Variants in GAL3ST1 observed in about 807,000 individuals in gnomAD.
GAL3ST1 encodes galactosylceramide sulfotransferase.
A neutral mutation model predicts 25.0 loss-of-function variants in GAL3ST1; 13 were observed. The observed-to-expected ratio is 0.52, with a 90% CI of 0.34 to 0.83. GAL3ST1 has a LOEUF of 0.83. Ranked by LOEUF, GAL3ST1 falls within the 40% of genes least tolerant of loss-of-function variation. GAL3ST1 has a pLI of 0.02. For synonymous variants in GAL3ST1, 274 were observed against 277.8 expected (o/e 0.99, Z 0.14); for missense variants, 474 against 613.6 (o/e 0.77, Z 2.40).
At chr22:30,568,693 G>C (rs1411279176) in intron 1 of GAL3ST1, among the ~76,000 whole-genome samples, 1 of 152,208 alleles carries the variant, frequency 6.6e-6, no homozygotes, top group Non-Finnish European at 1.5e-5. Context: ...TTTCCACCTG[G>C]CTGGAGTGTT....
intron 1 of GAL3ST1, chr22:30,560,441 G>A (rs1158877101): frequency 1.3e-5 from 2 of 152,098 alleles, no homozygotes; most frequent in African/African-American, 4.8e-5. Context: ...CCAGCACATA[G>A]TCATCACTTA....
At position 30,555,144 on chromosome 22, in the gene GAL3ST1, C is replaced by A; in HGVS notation, c.1081G>T (p.Ala361Ser). ...AVDAAAIQDE[A>S]MQPWQPLGTK... ...CCCAGCGGCTGCCAGGGCTGCATGG[C>A]CTCGTCCTGGATGGCGGCGGCGTCC... is the stretch of plus-strand genomic sequence containing the variant. The change falls in exon 4 of 4, where the codon GCC (alanine) becomes TCC (serine). Residue 361 changes from alanine (A) to serine (S), a missense_variant. By Grantham distance (99) the Ala-to-Ser change is moderately conservative. Around this residue, in one of 2 missense-constraint regions of GAL3ST1, gnomAD observed 359 missense variants for 504.4 expected, o/e 0.71. Coordinates refer to ENST00000406361, the MANE Select transcript of GAL3ST1 (RefSeq NM_001318104.2). This position sits in a 1 kb window ranked among gnomAD's most constrained non-coding sequence, Gnocchi z 8.6. The A allele has an allele frequency of 6.2e-7, 1 of 1,609,626 alleles. No homozygotes were observed.
At chr22:30,556,844 C>T (rs2086060532) in intron 3 of GAL3ST1, among the ~76,000 whole-genome samples, 1 of 152,216 alleles carries the variant, frequency 6.6e-6, no homozygotes, top group African/African-American at 2.4e-5. Flanking sequence ...AAGCAATTCT[C>T]CTGCCTCAGA....
chr22:30,564,092 G>A (rs1348885297), intron 1 of GAL3ST1, among the ~76,000 whole-genome samples: 3 of 152,134 alleles, frequency 2.0e-5, no homozygotes, highest in Admixed American at 6.5e-5. Flanking sequence ...CAAGCATTTC[G>A]GATAAGGGAT....
intron 1 of GAL3ST1, among the ~76,000 whole-genome samples, chr22:30,563,794 T>C (rs1209326097): frequency 6.6e-6 from 1 of 151,602 alleles, no homozygotes; most frequent in Non-Finnish European, 1.5e-5. Flanking sequence ...CAGGCACCTG[T>C]AGTCCCAGCT....
At chr22:30,564,200 A>T (rs1437176089) in intron 1 of GAL3ST1, among the ~76,000 whole-genome samples, 2 of 152,166 alleles carry the variant, frequency 1.3e-5, no homozygotes, top group Admixed American at 1.3e-4. Flanking sequence ...TGCAGAGCAG[A>T]CAGTCACTCA....
At chr22:30,559,439 C>G (rs1306964157) in intron 1 of GAL3ST1, among the ~76,000 whole-genome samples, 3 of 152,118 alleles carry the variant, frequency 2.0e-5, no homozygotes, top group Non-Finnish European at 4.4e-5. Context: ...TGGAGTTTCA[C>G]CATGTTGGCC....
chr22:30,571,079 T>C (rs2086772291), intron 1 of GAL3ST1, among the ~76,000 whole-genome samples: 1 of 152,052 alleles, frequency 6.6e-6, no homozygotes, highest in South Asian at 2.1e-4. Context: ...TTTGAAAATC[T>C]GCAGCCTGGC....
intron 1 of GAL3ST1, among the ~76,000 whole-genome samples, chr22:30,573,188 C>T (rs568945281): frequency 2.0e-5 from 3 of 152,016 alleles, no homozygotes; most frequent in South Asian, 2.1e-4. Context: ...GCCAGGGAGG[C>T]GAGGGGGGGT....
intron 1 of GAL3ST1, among the ~76,000 whole-genome samples, chr22:30,559,494 C>T (rs2084388616): frequency 1.3e-5 from 2 of 152,172 alleles, no homozygotes; most frequent in Admixed American, 6.5e-5. Context: ...CCACCTTGGC[C>T]TCCCAAAGTG....
chr22:30,557,570 G>C (rs575958807), intron 2 of GAL3ST1, 169 bp from the exon 3 acceptor site: 1 of 640,476 alleles, frequency 1.6e-6, no homozygotes, highest in East Asian at 2.9e-5. Flanking sequence ...CAACCACCTG[G>C]AAAGAGACAG....
chr22:30,566,541 G>T (rs1327839704), intron 1 of GAL3ST1, among the ~76,000 whole-genome samples: 1 of 152,200 alleles, frequency 6.6e-6, no homozygotes, highest in Non-Finnish European at 1.5e-5. Flanking sequence ...TCCAGAGTAG[G>T]GAGCACTGAT....
rs1235717496 is a variant in GAL3ST1, at chr22:30,555,263, G to C, written c.962C>G (p.Ala321Gly). 2.5e-6 allele frequency: 4 copies of C among 1,601,478 alleles called. No homozygotes were observed. In the Admixed American group the frequency reaches 6.7e-5, roughly 27 times the overall value. The change falls in exon 4 of 4, where the codon GCC (alanine) becomes GGC (glycine). Residue 321 changes from alanine to glycine, a missense_variant. This residue lies in a region of GAL3ST1 where 359 missense variants were observed against 504.4 expected (regional missense o/e 0.71). Transcript: ENST00000406361. This position sits in a 1 kb window ranked among gnomAD's most constrained non-coding sequence, Gnocchi z 8.6. ...GCGGGCCATGCGCTCCCGCCCGAAGGCCTCCACCTTGCGCCAGAAGCTGGC... is the reference window on the plus strand; with the variant it reads ...GCGGGCCATGCGCTCCCGCCCGAAGCCCTCCACCTTGCGCCAGAAGCTGGC... The part of the protein sequence containing the change: ...FNASFWRKVE[A>G]FGRERMAREV...
intron 1 of GAL3ST1, among the ~76,000 whole-genome samples, chr22:30,572,495 C>T (rs1011818362): frequency 2.0e-5 from 3 of 152,186 alleles, no homozygotes; most frequent in East Asian, 3.9e-4. Flanking sequence ...CTGTGAGGCA[C>T]GCAGAGCCCT....
intron 3 of GAL3ST1, among the ~76,000 whole-genome samples, chr22:30,556,374 T>A (rs1444823394): frequency 6.6e-6 from 1 of 152,182 alleles, no homozygotes; most frequent in Non-Finnish European, 1.5e-5. Flanking sequence ...GTGTTGCATG[T>A]ACCATGAATC....
chr22:30,554,993 G>A lies in GAL3ST1; in HGVS notation c.1232C>T (p.Thr411Ile). The A allele has an allele frequency of 1.9e-6, 3 of 1,590,600 alleles. No homozygotes were observed. The highest frequency in any genetic ancestry group is 2.6e-6 in the Non-Finnish European group (3 of 1,163,792). The change falls in exon 4 of 4, where the codon ACC becomes ATC. Residue 411 changes from threonine (T) to isoleucine (I), a missense_variant. Around this residue, in one of 2 missense-constraint regions of GAL3ST1, gnomAD observed 359 missense variants for 504.4 expected, o/e 0.71. Coordinates refer to ENST00000406361, the MANE Select transcript of GAL3ST1 (RefSeq NM_001318104.2). The stretch of plus-strand genomic sequence containing the variant: ...ATCGCGAATGAACTTCCAGAGCTTG[G>A]TGACCCACAGGTTGGCGCCGAGGTC... Reference protein sequence around the residue: ...LMDLGANLWVTKLWKFIRDFL... With the variant: ...LMDLGANLWVIKLWKFIRDFL...
Position 30,567,109 on chromosome 22 carries a change from A to G in GAL3ST1, c.-120+7357T>C, listed in dbSNP as rs1008491314. 8.5e-5 allele frequency among the ~76,000 whole-genome samples: 13 copies of G among 152,220 alleles called. 3 individuals carry two copies. Among genetic ancestry groups the G allele is most frequent in the Admixed American group, 7.9e-4 (12 of 15,276 alleles). On this transcript the variant is annotated intron_variant, in intron 1 of 3. Coordinates refer to ENST00000406361, the MANE Select transcript of GAL3ST1 (RefSeq NM_001318104.2). Reference sequence around the variant, plus strand: ...GTAGCTGGGATTACAGACATGCACCATGGTGCCCAGCAAAAACTTTTTCAA... The same window carrying G: ...GTAGCTGGGATTACAGACATGCACCGTGGTGCCCAGCAAAAACTTTTTCAA...
chr22:30,555,209 T>C lies in GAL3ST1; in HGVS notation c.1016A>G (p.Glu339Gly), dbSNP rs930247196. The change falls in exon 4 of 4, where the codon GAG becomes GGG. Residue 339 changes from glutamate (E) to glycine (G), a missense_variant. Coordinates refer to ENST00000406361, the MANE Select transcript of GAL3ST1 (RefSeq NM_001318104.2). The surrounding 1 kb of genome is among the most constrained non-coding windows in gnomAD (Gnocchi z 8.6). ...GTCGATGCAGATGGTCCGCATGCGC[T>C]CGTTGGCATGGCGCAGGGCGGCCAC... ...REVAALRHAN[E>G]RMRTICIDGG... The C allele has an allele frequency of 1.3e-6, 2 of 1,599,134 alleles. No individual in the cohort carries two copies. Among genetic ancestry groups the C allele is most frequent in the Admixed American group, 1.7e-5 (1 of 59,680 alleles).
intron 1 of GAL3ST1, among the ~76,000 whole-genome samples, chr22:30,567,833 G>A (rs974699991): frequency 1.1e-4 from 16 of 151,920 alleles, no homozygotes; most frequent in African/African-American, 3.9e-4. Flanking sequence ...ACGGGCACCC[G>A]CCACCACACC....
Sources: allele counts gnomAD v4.1 joint callset (sites outside exome capture counted in the v4.1 genomes callset), GRCh38; gene constraint gnomAD v4.1.1; regional missense constraint gnomAD v4.1.1; non-coding constraint Gnocchi (gnomAD v3.1); transcripts MANE v1.5; gene names NCBI Gene and HGNC (gene_info 2026-07-23, HGNC 2026-07-21).